Variants in SNX15 observed in about 807,000 individuals in gnomAD.
SNX15 encodes sorting nexin-15.
A neutral mutation model predicts 35.2 loss-of-function variants in SNX15; 29 were observed. The observed-to-expected ratio is 0.82, with a 90% confidence interval of 0.61 to 1.12. The LOEUF (loss-of-function observed/expected upper bound fraction) is 1.12. Ranked by LOEUF, SNX15 falls within the 50% of genes most tolerant of loss-of-function variation. The pLI, the probability that SNX15 is intolerant of heterozygous loss-of-function variation, is 0.00. For missense variants in SNX15, 400 were observed against 451.5 expected (o/e 0.89, Z 1.03); for synonymous variants, 189 against 188.2 (o/e 1.00, Z -0.03).
At chr11:65,037,241 G>C (rs1306004990) in intron 6 of SNX15, 1 of 151,738 alleles carries the variant, frequency 6.6e-6, no homozygotes, top group African/African-American at 2.4e-5. Flanking sequence ...TTGAGACAGA[G>C]TCTGGCTCTG....
intron 1 of SNX15, among the ~76,000 whole-genome samples, chr11:65,029,873 G>A (rs1379800778): frequency 6.6e-6 from 1 of 151,652 alleles, no homozygotes; most frequent in African/African-American, 2.4e-5. Context: ...CACCGCGCCT[G>A]GCCTATATTT....
intron 1 of SNX15, 52 bp downstream of exon 1, chr11:65,027,688 G>C (rs763937857): frequency 1.5e-6 from 2 of 1,377,874 alleles, no homozygotes; most frequent in South Asian, 2.3e-5. Context: ...GGGGCGCCGA[G>C]TTTTACCTTA....
At chr11:65,027,992 G>A (rs1946394192) in intron 1 of SNX15, among the ~76,000 whole-genome samples, 1 of 152,142 alleles carries the variant, frequency 6.6e-6, no homozygotes, top group Non-Finnish European at 1.5e-5. Context: ...AGTAAGTTTT[G>A]TTTATTGGTT....
At chr11:65,028,680 C>T (rs1371473331) in intron 1 of SNX15, among the ~76,000 whole-genome samples, 2 of 111,770 alleles carry the variant, frequency 1.8e-5, no homozygotes, top group African/African-American at 6.5e-5. Context: ...CAGACACACA[C>T]ACAACTTTAA....
At chr11:65,038,338 C>T in intron 6 of SNX15, 1 of 1,188,988 alleles carries the variant, frequency 8.4e-7, no homozygotes, top group Non-Finnish European at 1.1e-6. Flanking sequence ...GAGTGTGTAC[C>T]TAAAGACATA....
intron 5 of SNX15, 31 bp downstream of exon 5, chr11:65,035,237 C>A: frequency 6.5e-7 from 1 of 1,533,326 alleles, no homozygotes; most frequent in Non-Finnish European, 8.7e-7. Flanking sequence ...GGAACCAGGG[C>A]TGGAGGGTGC....
At chr11:65,034,140 C>A (rs999265976) in intron 3 of SNX15, among the ~76,000 whole-genome samples, 6 of 152,154 alleles carry the variant, frequency 3.9e-5, no homozygotes, top group African/African-American at 1.4e-4. Context: ...TAGGACAGAG[C>A]AGTGAAACTG....
chr11:65,032,791 G>A (rs1430704397), intron 3 of SNX15, among the ~76,000 whole-genome samples: 20 of 152,176 alleles, frequency 1.3e-4, no homozygotes, highest in Admixed American at 1.2e-3. Context: ...GCTCACGCCT[G>A]TAATCCTAGC....
chr11:65,035,711 G>C lies in SNX15; in HGVS notation c.664+48G>C, dbSNP rs771504326. On this transcript the variant is annotated intron_variant, in intron 6 of 7. Coordinates refer to ENST00000377244, the MANE Select transcript of SNX15 (RefSeq NM_013306.5). ...AAGGAGCCAGGGCAGGACGTCCTTG[G>C]GACAGGGAGGAGGGCAGAGCCCCAC... 29 of 1,555,662 alleles carry C rather than the reference G, an allele frequency of 1.9e-5. No homozygotes were observed. The South Asian group carries it at 3.6e-4, about 19-fold the overall frequency.
At chr11:65,039,464 C>T (rs1260792125) in intron 7 of SNX15, among the ~76,000 whole-genome samples, 1 of 152,136 alleles carries the variant, frequency 6.6e-6, no homozygotes, top group Admixed American at 6.6e-5. Context: ...CCTCGTGATC[C>T]ACCCACCTCG....
intron 7 of SNX15, among the ~76,000 whole-genome samples, 154 bp downstream of exon 7, chr11:65,038,983 G>T (rs1432278294): frequency 2.2e-4 from 31 of 143,962 alleles, no homozygotes; most frequent in South Asian, 4.4e-4. Context: ...CTGTTTTTTT[G>T]TTGTTGTTGT....
At chr11:65,038,501 T>G in intron 6 of SNX15, 71 bp from the exon 7 acceptor site, 13 of 1,488,420 alleles carry the variant, frequency 8.7e-6, no homozygotes, top group Non-Finnish European at 1.2e-5. Context: ...ACAAAAGAAG[T>G]CTTGGGGTTG....
intron 1 of SNX15, among the ~76,000 whole-genome samples, chr11:65,031,939 G>A (rs1237404853): frequency 6.6e-6 from 1 of 152,144 alleles, no homozygotes; most frequent in Non-Finnish European, 1.5e-5. Flanking sequence ...GTCCAAATGG[G>A]CCTTTAGGGG....
At chr11:65,028,741 T>C (rs1946404014) in intron 1 of SNX15, among the ~76,000 whole-genome samples, 1 of 147,574 alleles carries the variant, frequency 6.8e-6, no homozygotes, top group Non-Finnish European at 1.5e-5. Context: ...GAAGATAGAC[T>C]GGAGGTGGGG....
chr11:65,027,730 T>TA (rs1327498850), intron 1 of SNX15, 94 bp downstream of exon 1: 12 of 909,484 alleles, frequency 1.3e-5, no homozygotes, highest in East Asian at 1.0e-4. Flanking sequence ...GCTCCCTTTT[T>TA]AGACGACAGA....
intron 6 of SNX15, 102 bp from the exon 7 acceptor site, chr11:65,038,470 G>C (rs1330159221): frequency 7.0e-7 from 1 of 1,424,562 alleles, no homozygotes; most frequent in African/African-American, 1.4e-5. Context: ...CTCTACTGGG[G>C]ACAGGCTGAT....
chr11:65,032,152 T>C lies in SNX15; in HGVS notation c.100-16T>C. 2.5e-6 allele frequency: 4 copies of C among 1,613,916 alleles called. No homozygotes were observed. Among genetic ancestry groups the C allele is most frequent in the Non-Finnish European group, 3.4e-6 (4 of 1,179,870 alleles). On this transcript the variant is annotated splice_polypyrimidine_tract_variant and intron_variant, in intron 1 of 7. Coordinates refer to ENST00000377244, the MANE Select transcript of SNX15 (RefSeq NM_013306.5). Reference sequence around the variant, plus strand: ...GCAGTCTCTGGTCTCAACCAGCTCTTGCCTTTCTTTCTCAGTTCATCTCAA... The same window carrying C: ...GCAGTCTCTGGTCTCAACCAGCTCTCGCCTTTCTTTCTCAGTTCATCTCAA...
At chr11:65,038,865 G>A (rs763800526) in intron 7 of SNX15, 36 bp downstream of exon 7, 4 of 1,497,952 alleles carry the variant, frequency 2.7e-6, no homozygotes, top group Non-Finnish European at 3.6e-6. Flanking sequence ...TCAGGCCTGG[G>A]TCCCAGGTGG....
intron 5 of SNX15, 87 bp from the exon 6 acceptor site, chr11:65,035,433 C>A: frequency 7.0e-7 from 1 of 1,432,600 alleles, no homozygotes; most frequent in Non-Finnish European, 9.4e-7. Flanking sequence ...CCCATGGTTG[C>A]TGCAAGGGTT....
Sources: gnomAD v4.1 joint callset for allele counts (sites outside exome capture counted in the v4.1 genomes callset) on GRCh38, gnomAD v4.1.1 for gene constraint, MANE v1.5 for transcripts, NCBI Gene and HGNC (gene_info 2026-07-23, HGNC 2026-07-21) for gene names.